The following JKAMP variants were observed in gnomAD, a reference collection of about 807,000 sequenced individuals.
The protein encoded by JKAMP is JNK1/MAPK8 associated membrane protein, also known as JNK1/MAPK8-associated membrane protein.
JKAMP carries 20 observed loss-of-function variants against 40.2 expected under a neutral mutation model. The ratio of observed to expected loss-of-function variants is 0.50; its 90% CI spans 0.35 to 0.72. The LOEUF is 0.72. Ranked by LOEUF, JKAMP falls within the 30% of genes least tolerant of loss-of-function variation. JKAMP has a pLI of 0.01. For synonymous variants in JKAMP, 138 were observed against 131.6 expected, an observed-to-expected ratio of 1.05 and a Z score of -0.33; for missense variants, 276 against 373.0, an observed-to-expected ratio of 0.74 and a Z score of 2.14.
chr14:59,505,374 TATTA>T lies in JKAMP; in HGVS notation c.*1303_*1306del, dbSNP rs1566587037. 1 of 900,614 alleles carries T rather than the reference TATTA, an allele frequency of 1.1e-6. No individual in the cohort carries two copies. The highest frequency in any genetic ancestry group is 1.6e-6 in the Non-Finnish European group (1 of 624,678). The allele number at this position is 900,614 out of a possible 1,614,324, so 55.8% of individuals were successfully genotyped here. On this transcript the variant is annotated 3_prime_UTR_variant, in exon 7 of 7. Transcript: ENST00000616435. ...TTTGTATTGCACACATTTGGGGGGT[TATTA>T]GTGTTCATTAAAATTCTGAGTTGCC...
intron 3 of JKAMP, among the ~76,000 whole-genome samples, chr14:59,488,872 A>C (rs914059781): frequency 2.0e-5 from 3 of 152,314 alleles, no homozygotes; most frequent in Admixed American, 2.0e-4. Flanking sequence ...AAAGTTGAGT[A>C]CTAAAAACAA....
intron 1 of JKAMP, chr14:59,484,941 A>G: frequency 1.3e-6 from 2 of 1,490,290 alleles, no homozygotes; most frequent in East Asian, 2.3e-5. Context: ...ACAGTAAAGC[A>G]GAAGCAAGTT....
intron 3 of JKAMP, among the ~76,000 whole-genome samples, chr14:59,493,414 T>C (rs1891183317): frequency 6.6e-6 from 1 of 152,244 alleles, no homozygotes; most frequent in Non-Finnish European, 1.5e-5. Flanking sequence ...ATTGACACCA[T>C]GTGGAGCAGA....
intron 5 of JKAMP, among the ~76,000 whole-genome samples, chr14:59,499,256 G>A (rs754809035): frequency 6.6e-6 from 1 of 151,568 alleles, no homozygotes; most frequent in Admixed American, 6.6e-5. Flanking sequence ...TCGATCTCCT[G>A]ACCTCATGAT....
intron 5 of JKAMP, among the ~76,000 whole-genome samples, chr14:59,499,340 A>T (rs1189851444): frequency 6.6e-6 from 1 of 152,138 alleles, no homozygotes; most frequent in Non-Finnish European, 1.5e-5. Context: ...TGTAATAAGA[A>T]ATAAAAACTG....
chr14:59,495,254 GT>G (rs762701244), intron 4 of JKAMP, 30 bp downstream of exon 4: 126 of 545,884 alleles, frequency 2.3e-4, no homozygotes, highest in African/African-American at 3.4e-4. Flanking sequence ...TAAGATCATT[GT>G]TTTTTTTTAA....
intron 1 of JKAMP, 146 bp from the exon 2 acceptor site, chr14:59,486,567 A>G: frequency 1.6e-6 from 1 of 636,384 alleles, no homozygotes; most frequent in Non-Finnish European, 2.8e-6. Flanking sequence ...GAGAAATGTA[A>G]ATTTAAAAAT....
intron 3 of JKAMP, among the ~76,000 whole-genome samples, chr14:59,491,258 TAA>T (rs1278070617): frequency 1.3e-5 from 2 of 152,156 alleles, no homozygotes; most frequent in Non-Finnish European, 2.9e-5. Flanking sequence ...CAAGTGAACT[TAA>T]AGTCATTTAG....
Position 59,501,284 on chromosome 14 carries a change from T to C in JKAMP, c.717+17T>C, listed in dbSNP as rs764402703. 2.1e-4 allele frequency: 327 copies of C among 1,521,416 alleles called. No homozygotes were observed. Among genetic ancestry groups the C allele is most frequent in the Non-Finnish European group, 2.8e-4 (312 of 1,102,522 alleles). The allele number at this position is 1,521,416 out of a possible 1,614,324, so 94.2% of individuals were successfully genotyped here. On this transcript the variant is annotated intron_variant, in intron 6 of 6. Transcript: ENST00000616435. Reference sequence around the variant, plus strand: ...GAAATAGAGGTAGGAAGTCTTTTTTTCCTTTGTTAAAGACTTTTTGATAAA... The same window carrying C: ...GAAATAGAGGTAGGAAGTCTTTTTTCCCTTTGTTAAAGACTTTTTGATAAA...
intron 3 of JKAMP, among the ~76,000 whole-genome samples, chr14:59,488,870 G>C (rs1254767519): frequency 6.6e-6 from 1 of 152,092 alleles, no homozygotes; most frequent in East Asian, 1.9e-4. Context: ...AGAAAGTTGA[G>C]TACTAAAAAC....
At chr14:59,494,576 G>A (rs1891291795) in intron 3 of JKAMP, among the ~76,000 whole-genome samples, 1 of 152,330 alleles carries the variant, frequency 6.6e-6, no homozygotes, top group South Asian at 2.1e-4. Context: ...TTTGGTACAT[G>A]GTTGCCTCTA....
chr14:59,484,642 C>T (rs1220887126), intron 1 of JKAMP, 49 bp downstream of exon 1: 1 of 1,565,782 alleles, frequency 6.4e-7, no homozygotes, highest in Non-Finnish European at 8.7e-7. Flanking sequence ...GTCCCGACTA[C>T]TTTCCTACAC....
chr14:59,496,649 G>C (rs1363063302), intron 4 of JKAMP, among the ~76,000 whole-genome samples: 1 of 152,104 alleles, frequency 6.6e-6, no homozygotes, highest in Non-Finnish European at 1.5e-5. Flanking sequence ...CACTTTTTCT[G>C]CTGATTTGAG....
rs778042666 is a variant in JKAMP, at chr14:59,486,845, T to G, written c.96+41T>G. Reference sequence around the variant, plus strand: ...GTATCTTATTTCATTTTGTAAAATCTATTTGCTTTTGAAATATTTTCACAT... The same window carrying G: ...GTATCTTATTTCATTTTGTAAAATCGATTTGCTTTTGAAATATTTTCACAT... On this transcript the variant is annotated intron_variant, in intron 2 of 6. Transcript: ENST00000616435. The G allele has an allele frequency of 6.2e-6, 8 of 1,282,634 alleles. No homozygotes were observed. The East Asian group carries it at 1.7e-4, about 28-fold the overall frequency. 79.5% of individuals were successfully genotyped at this position (1,282,634 alleles called of 1,614,324 possible).
chr14:59,487,912 T>A, intron 3 of JKAMP, 84 bp downstream of exon 3: 1 of 1,247,318 alleles, frequency 8.0e-7, no homozygotes, highest in Middle Eastern at 1.9e-4. Flanking sequence ...TAATTATGCT[T>A]CTTCTGTTTT....
In JKAMP at chr14:59,504,172, C is replaced by A; in HGVS notation, c.*100C>A. ...AGAACTATTCTATCATATATGGGAA[C>A]AAGATTGTCAGTATATCTTAATGTT... is the stretch of plus-strand genomic sequence containing the variant. On this transcript the variant is annotated 3_prime_UTR_variant, in exon 7 of 7. Coordinates refer to ENST00000616435, the MANE Select transcript of JKAMP (RefSeq NM_016475.5). 1.4e-6 allele frequency: 1 copy of A among 695,338 alleles called. No homozygotes were observed. The highest frequency in any genetic ancestry group is 2.4e-6 in the Non-Finnish European group (1 of 408,562). 43.1% of individuals were successfully genotyped at this position (695,338 alleles called of 1,614,324 possible). A position where few individuals can be genotyped will look rare whatever the true frequency, so the allele number is the denominator to read the frequency against.
At chr14:59,499,146 C>T (rs956628233) in intron 5 of JKAMP, among the ~76,000 whole-genome samples, 2 of 149,596 alleles carry the variant, frequency 1.3e-5, no homozygotes, top group African/African-American at 4.9e-5. Context: ...GCCTCAGCCT[C>T]CCAAGTAGCT....
At chr14:59,490,097 T>C (rs1594935316) in intron 3 of JKAMP, among the ~76,000 whole-genome samples, 1 of 151,962 alleles carries the variant, frequency 6.6e-6, no homozygotes, top group African/African-American at 2.4e-5. Flanking sequence ...TAATTTTTTA[T>C]ATTTTGTAGA....
intron 6 of JKAMP, among the ~76,000 whole-genome samples, chr14:59,502,279 T>C (rs1346996345): frequency 2.0e-5 from 3 of 152,170 alleles, no homozygotes; most frequent in Non-Finnish European, 2.9e-5. Context: ...GGCCAAACTC[T>C]AGAGGAAGCA....
Sources: allele counts gnomAD v4.1 joint callset (sites outside exome capture counted in the v4.1 genomes callset), GRCh38; gene constraint gnomAD v4.1.1; transcripts MANE v1.5; gene names NCBI Gene and HGNC (gene_info 2026-07-23, HGNC 2026-07-21).